The following PLEKHG4B variants were observed in gnomAD, a reference collection of about 807,000 sequenced individuals.
The protein encoded by PLEKHG4B is pleckstrin homology domain-containing family G member 4B.
A neutral mutation model predicts 121.3 loss-of-function variants in PLEKHG4B; 111 were observed. The ratio of observed to expected loss-of-function variants is 0.92; its 90% CI spans 0.78 to 1.07. The LOEUF is 1.07. Ranked by LOEUF, PLEKHG4B falls within the 50% of genes least tolerant of loss-of-function variation. The pLI, the probability that PLEKHG4B is intolerant of heterozygous loss-of-function variation, is 0.00. For synonymous variants in PLEKHG4B, 738 were observed against 725.0 expected (o/e 1.02, Z -0.29); for missense variants, 1,831 against 1,757.8 (o/e 1.04, Z -0.74).
chr5:93,405 C>T (rs532801355), intron 1 of PLEKHG4B, among the ~76,000 whole-genome samples: 12 of 152,196 alleles, frequency 7.9e-5, no homozygotes, highest in Admixed American at 6.5e-4. Flanking sequence ...CCGCCGTCTC[C>T]GAGATTCTGT....
intron 2 of PLEKHG4B, among the ~76,000 whole-genome samples, chr5:131,773 C>T (rs1440432348): frequency 6.6e-6 from 1 of 152,138 alleles, no homozygotes; most frequent in African/African-American, 2.4e-5. Context: ...TCTCCAGCAC[C>T]TGTTGTTTCC....
rs375842527 is a variant in PLEKHG4B, at chr5:161,840, A to G, written c.2545A>G (p.Met849Val). The change falls in exon 12 of 20, where the codon ATG becomes GTG. Residue 849 changes from methionine (M) to valine (V), a missense_variant. By Grantham distance (21) the Met-to-Val change is conservative. Coordinates refer to ENST00000637938, the MANE Select transcript of PLEKHG4B (RefSeq NM_052909.5). Reference sequence around the variant, plus strand: ...GGAGAACCCGCAACGTACAGAGGAAATGGTCCAGGATTTCAGAAGGGGCCT... The same window carrying G: ...GGAGAACCCGCAACGTACAGAGGAAGTGGTCCAGGATTTCAGAAGGGGCCT... ...AKENPQRTEE[M>V]VQDFRRGLSA... is the part of the protein sequence containing the mutation. The G allele has an allele frequency of 2.5e-6, 4 of 1,613,904 alleles. No homozygotes were observed. Among genetic ancestry groups the G allele is most frequent in the Non-Finnish European group, 3.4e-6 (4 of 1,180,008 alleles).
rs542741951 is a variant in PLEKHG4B at position 142,537 on chromosome 5, C to T, written c.1478-510C>T. ...GACACATGCCTCCAACGATCACACTCCAGAGTTCCAAATACCACACACACA... is the reference window on the plus strand; with the variant it reads ...GACACATGCCTCCAACGATCACACTTCAGAGTTCCAAATACCACACACACA... On this transcript the variant is annotated intron_variant, in intron 3 of 19. Transcript: ENST00000637938. 3.3e-5 allele frequency among the ~76,000 whole-genome samples: 5 copies of T among 149,358 alleles called. No homozygotes were observed. The East Asian group carries it at 9.7e-4, about 29-fold the overall frequency.
At chr5:155,254 G>A in intron 8 of PLEKHG4B, 91 bp from the exon 9 acceptor site, 1 of 1,197,924 alleles carries the variant, frequency 8.3e-7, no homozygotes. Context: ...CCCGAGATCG[G>A]TCTAAATGCA....
At chr5:99,853 G>C (rs771529498) in intron 1 of PLEKHG4B, among the ~76,000 whole-genome samples, 2 of 152,182 alleles carry the variant, frequency 1.3e-5, no homozygotes, top group African/African-American at 2.4e-5. Context: ...TATATTAGCT[G>C]TGTGTTTTTC....
intron 6 of PLEKHG4B, among the ~76,000 whole-genome samples, chr5:146,454 T>G (rs1250206593): frequency 1.8e-5 from 2 of 110,224 alleles, no homozygotes; most frequent in Non-Finnish European, 3.8e-5. Flanking sequence ...TGCAGCCATC[T>G]CTCCTCTTCA....
At chr5:123,969 T>C (rs1734538844) in intron 2 of PLEKHG4B, among the ~76,000 whole-genome samples, 1 of 152,228 alleles carries the variant, frequency 6.6e-6, no homozygotes, top group Admixed American at 6.5e-5. Context: ...GATCTTTACT[T>C]TTTAAAAATG....
rs1041462135 is a variant in PLEKHG4B at position 181,375 on chromosome 5, A to G, written c.4403-139A>G. ...GGAAGCCTCAGCACCCTGGCCCCCC[A>G]TGCCCCTCGTGGGGCAGGGTGGGTA... On this transcript the variant is annotated intron_variant, in intron 18 of 19. Coordinates refer to ENST00000637938, the MANE Select transcript of PLEKHG4B (RefSeq NM_052909.5). The G allele has an allele frequency of 1.5e-5, 13 of 849,484 alleles. No homozygotes were observed. In the African/African-American group the frequency reaches 2.1e-4, roughly 13 times the overall value. The allele number at this position is 849,484 out of a possible 1,614,324, so 52.6% of individuals were successfully genotyped here. A position where few individuals can be genotyped will look rare whatever the true frequency, so the allele number is the denominator to read the frequency against.
At chr5:96,986 G>A (rs1302444859) in intron 1 of PLEKHG4B, among the ~76,000 whole-genome samples, 1 of 152,230 alleles carries the variant, frequency 6.6e-6, no homozygotes, top group Non-Finnish European at 1.5e-5. Context: ...GTGGCGGTCA[G>A]TACATTCACA....
chr5:109,145 CG>C (rs956746565), intron 1 of PLEKHG4B, among the ~76,000 whole-genome samples: 1 of 152,134 alleles, frequency 6.6e-6, no homozygotes. Context: ...CTGCTGCCCA[CG>C]GATGTCTTGC....
At chr5:117,737 C>T (rs1471031187) in intron 2 of PLEKHG4B, among the ~76,000 whole-genome samples, 2 of 152,132 alleles carry the variant, frequency 1.3e-5, no homozygotes, top group Non-Finnish European at 2.9e-5. Flanking sequence ...CCTGTAGTCC[C>T]AGCTACTCAG....
intron 2 of PLEKHG4B, among the ~76,000 whole-genome samples, chr5:130,312 GA>G (rs1470558292): frequency 6.6e-6 from 1 of 152,154 alleles, no homozygotes; most frequent in Admixed American, 6.6e-5. Flanking sequence ...TGGCAGACTT[GA>G]AGAGATAATT....
intron 12 of PLEKHG4B, 77 bp downstream of exon 12, chr5:162,021 A>G (rs1736025034): frequency 6.7e-7 from 1 of 1,486,286 alleles, no homozygotes; most frequent in South Asian, 1.3e-5. Context: ...GCCTCCCCTC[A>G]CAAGCTGGAG....
chr5:181,464 C>T, intron 18 of PLEKHG4B, 50 bp from the exon 19 acceptor site: 1 of 1,579,774 alleles, frequency 6.3e-7, no homozygotes, highest in Non-Finnish European at 8.6e-7. Flanking sequence ...TTTGGGGTGG[C>T]ATTAGCCCCC....
At chr5:97,781 T>G (rs1733673242) in intron 1 of PLEKHG4B, among the ~76,000 whole-genome samples, 1 of 152,160 alleles carries the variant, frequency 6.6e-6, no homozygotes, top group African/African-American at 2.4e-5. Flanking sequence ...TATGTATATT[T>G]GCATTTCTCT....
At chr5:143,613 C>A in intron 5 of PLEKHG4B, 110 bp downstream of exon 5, 1 of 1,320,824 alleles carries the variant, frequency 7.6e-7, no homozygotes. Context: ...CAGACTCTGC[C>A]TCTCCTAACC....
intron 13 of PLEKHG4B, among the ~76,000 whole-genome samples, chr5:167,903 T>C (rs1399139423): frequency 6.6e-6 from 1 of 152,150 alleles, no homozygotes; most frequent in Non-Finnish European, 1.5e-5. Flanking sequence ...TTAGTGGTAA[T>C]AAAAAAATTA....
chr5:143,244 G>A lies in PLEKHG4B; in HGVS notation c.1675G>A (p.Val559Ile), dbSNP rs114876243. 2.8e-3 allele frequency: 4,554 copies of A among 1,610,042 alleles called. 134 individuals are homozygous for A. The African/African-American group carries it at 0.053, about 19-fold the overall frequency. ...VSQELLQSGV[V>I]TLPGTRDRHG... Reference sequence around the variant, plus strand: ...TCAGGAGCTGCTGCAGTCCGGGGTCGTCACCCTCCCAGGTGAGAGCACATG... The same window carrying A: ...TCAGGAGCTGCTGCAGTCCGGGGTCATCACCCTCCCAGGTGAGAGCACATG... Residue 559 changes from valine to isoleucine, a missense_variant, in exon 4 of 20, where the codon GTC (valine) becomes ATC (isoleucine). Physicochemically the swap from Val to Ile is conservative, Grantham distance 29 (BLOSUM62 3). Coordinates refer to ENST00000637938, the MANE Select transcript of PLEKHG4B (RefSeq NM_052909.5).
chr5:103,248 T>TGTGA (rs1418969241), intron 1 of PLEKHG4B, among the ~76,000 whole-genome samples: 1 of 152,220 alleles, frequency 6.6e-6, no homozygotes, highest in Non-Finnish European at 1.5e-5. Flanking sequence ...TCAGTGCTGT[T>TGTGA]GTGAGTGGGT....
Sources: gnomAD v4.1 joint callset for allele counts (sites outside exome capture counted in the v4.1 genomes callset) on GRCh38, gnomAD v4.1.1 for gene constraint, MANE v1.5 for transcripts, NCBI Gene and HGNC (gene_info 2026-07-23, HGNC 2026-07-21) for gene names.